SLC4A4: variants seen among roughly 807,000 people sequenced by gnomAD.
The protein encoded by SLC4A4 is electrogenic sodium bicarbonate cotransporter 1.
Under a neutral mutation model 111.5 loss-of-function variants are expected in SLC4A4, and 27 were observed. That is an observed-to-expected ratio of 0.24 (90% CI 0.18 to 0.33). The LOEUF (loss-of-function observed/expected upper bound fraction) is 0.33, where lower values mean the gene tolerates loss of function less well. Among genes scored for constraint, SLC4A4 ranks in the 10% least tolerant of loss-of-function variants. The probability of loss-of-function intolerance (pLI) is 1.00; values close to 1 mark genes in which losing one functional copy is unlikely to be tolerated. For missense variants in SLC4A4, 909 were observed against 1,315.5 expected (o/e 0.69, Z 4.78); for synonymous variants, 443 against 463.4 (o/e 0.96, Z 0.57).
At chr4:71,321,139 C>T (rs948612112) in intron 3 of SLC4A4, among the ~76,000 whole-genome samples, 11 of 151,930 alleles carry the variant, frequency 7.2e-5, no homozygotes, top group Non-Finnish European at 1.5e-4. Flanking sequence ...TATCCTTAGC[C>T]AGCCCACATA....
intron 23 of SLC4A4, among the ~76,000 whole-genome samples, chr4:71,560,848 G>A (rs1736922236): frequency 6.6e-6 from 1 of 151,772 alleles, no homozygotes. Context: ...ATAGTGGTTA[G>A]TGTCATAGTC....
intron 3 of SLC4A4, among the ~76,000 whole-genome samples, chr4:71,305,992 A>G (rs182833085): frequency 6.6e-6 from 1 of 152,370 alleles, no homozygotes; most frequent in Non-Finnish European, 1.5e-5. Flanking sequence ...CATTGAGTGC[A>G]GTGTCCAACA....
chr4:71,503,547 C>G (rs1441877466), intron 16 of SLC4A4, among the ~76,000 whole-genome samples: 1 of 152,058 alleles, frequency 6.6e-6, no homozygotes, highest in Non-Finnish European at 1.5e-5. Flanking sequence ...CTGATAACAA[C>G]TTAACTTTGG....
chr4:71,426,459 A>T (rs1723148302), intron 7 of SLC4A4, among the ~76,000 whole-genome samples: 1 of 152,082 alleles, frequency 6.6e-6, no homozygotes, highest in Non-Finnish European at 1.5e-5. Flanking sequence ...TGCTGCTCAA[A>T]GGTGTGGGGA....
At chr4:71,272,701 G>T (rs921746705) in intron 3 of SLC4A4, among the ~76,000 whole-genome samples, 1 of 152,068 alleles carries the variant, frequency 6.6e-6, no homozygotes, top group African/African-American at 2.4e-5. Flanking sequence ...ACATCATAAC[G>T]CATGAAGGAT....
intron 2 of SLC4A4, among the ~76,000 whole-genome samples, chr4:71,177,713 C>T (rs1366672800): frequency 6.6e-6 from 1 of 152,162 alleles, no homozygotes; most frequent in Non-Finnish European, 1.5e-5. Flanking sequence ...GACTTAGACT[C>T]CCACACAATA....
At chr4:71,437,922 C>G (rs1724315932) in intron 7 of SLC4A4, 1 of 169,050 alleles carries the variant, frequency 5.9e-6, no homozygotes. Flanking sequence ...CAGCTCAGCT[C>G]ATGGTCGTTA....
At chr4:71,242,088 T>C (rs565183612) in intron 2 of SLC4A4, among the ~76,000 whole-genome samples, 72 of 152,344 alleles carry the variant, frequency 4.7e-4, no homozygotes, top group African/African-American at 1.6e-3. Context: ...TTCTGAGAAT[T>C]TGAGAATTTT....
At position 71,121,274 on chromosome 4, in the gene SLC4A4, C is replaced by T. The variant is rs531300789; in HGVS notation, c.-2+28482C>T. On this transcript the variant is annotated intron_variant, in intron 2 of 26. Transcript: ENST00000649996. Reference sequence around the variant, plus strand: ...GCCCGAGACTCCCCAATGGGCACTGCCCCCTGCTCCGTGGCGCCCGGTCTC... The same window carrying T: ...GCCCGAGACTCCCCAATGGGCACTGTCCCCTGCTCCGTGGCGCCCGGTCTC... 1.1e-3 allele frequency among the ~76,000 whole-genome samples: 169 copies of T among 152,102 alleles called. 2 individuals carry two copies. The highest frequency in any genetic ancestry group is 3.9e-3 in the African/African-American group (162 of 41,506).
intron 16 of SLC4A4, among the ~76,000 whole-genome samples, chr4:71,501,781 C>T (rs987780037): frequency 5.3e-5 from 8 of 151,796 alleles, no homozygotes; most frequent in Admixed American, 2.0e-4. Context: ...CCTGCCTCAG[C>T]CTCCCAGGTA....
chr4:71,466,670 C>G lies in SLC4A4; in HGVS notation c.1631+93C>G, dbSNP rs950120782. The stretch of plus-strand genomic sequence containing the variant: ...AGCATAGAATAGTGATTAGGCAGAT[C>G]CAAGAATCACTCAGAATACTGGAAT... On this transcript the variant is annotated intron_variant, in intron 13 of 25. Transcript: ENST00000264485. The G allele has an allele frequency of 1.1e-4, 143 of 1,280,498 alleles. 1 individual carries two copies. The highest frequency in any genetic ancestry group is 4.0e-4 in the South Asian group (33 of 81,988). 79.3% of individuals were successfully genotyped at this position (1,280,498 alleles called of 1,614,324 possible).
intron 18 of SLC4A4, among the ~76,000 whole-genome samples, chr4:71,541,987 A>G (rs1735110861): frequency 6.6e-6 from 1 of 152,126 alleles, no homozygotes; most frequent in South Asian, 2.1e-4. Context: ...CTTTTAACTC[A>G]AAGGGACATC....
rs73828144 is a variant in SLC4A4, at chr4:71,406,715, G to T, written c.807+9062G>T. On this transcript the variant is annotated intron_variant, in intron 7 of 25. Coordinates refer to ENST00000264485, the MANE Select transcript of SLC4A4 (RefSeq NM_001098484.3). ...GTTTTCTACAATCTGAAAGCCAGTG[G>T]TTAATCATGCCAAGATGACATTCCT... 7.6e-3 allele frequency among the ~76,000 whole-genome samples: 1,155 copies of T among 151,590 alleles called. 16 individuals carry two copies. Among genetic ancestry groups the T allele is most frequent in the African/African-American group, 0.025 (1,017 of 41,258 alleles).
chr4:71,353,075 C>T lies in SLC4A4; in HGVS notation c.550+3003C>T, dbSNP rs567866423. Reference sequence around the variant, plus strand: ...GAGAGAGTACCAGATTATACTGGAACGTCTTTAGCGAATGGCCAAAGAGAG... The same window carrying T: ...GAGAGAGTACCAGATTATACTGGAATGTCTTTAGCGAATGGCCAAAGAGAG... On this transcript the variant is annotated intron_variant, in intron 5 of 25. Coordinates refer to ENST00000264485, the MANE Select transcript of SLC4A4 (RefSeq NM_001098484.3). Among the ~76,000 whole-genome samples the T allele has an allele frequency of 3.3e-5, 5 of 152,270 alleles. No individual in the cohort carries two copies. The East Asian group carries it at 5.8e-4, about 18-fold the overall frequency.
At chr4:71,316,309 C>T (rs897553834) in intron 3 of SLC4A4, among the ~76,000 whole-genome samples, 3 of 152,128 alleles carry the variant, frequency 2.0e-5, no homozygotes, top group African/African-American at 7.2e-5. Flanking sequence ...GAAGAAAACC[C>T]TCCCTCTGAA....
Position 71,091,523 on chromosome 4 carries a change from G to T in SLC4A4, c.-64-1207G>T, listed in dbSNP as rs189787988. On this transcript the variant is annotated intron_variant, in intron 1 of 26. Coordinates refer to the SLC4A4 transcript ENST00000649996. ...TTGTCTCGGCCTCCCAAAGTGCTGG[G>T]ATTACAGGCGTGAGCCACTGCACCC... Among the ~76,000 whole-genome samples, 286 of 152,154 alleles carry T rather than the reference G, an allele frequency of 1.9e-3. 2 individuals carry two copies. Among genetic ancestry groups the T allele is most frequent in the Non-Finnish European group, 1.1e-3 (76 of 68,012 alleles).
chr4:71,504,632 G>A (rs939379303), intron 16 of SLC4A4, among the ~76,000 whole-genome samples: 25 of 135,640 alleles, frequency 1.8e-4, no homozygotes, highest in Admixed American at 1.7e-3. Context: ...TTCTTTTTTT[G>A]GACCTCCTAC....
intron 6 of SLC4A4, among the ~76,000 whole-genome samples, chr4:71,360,313 A>G (rs1442274590): frequency 6.6e-6 from 1 of 152,206 alleles, no homozygotes; most frequent in African/African-American, 2.4e-5. Flanking sequence ...AAACCAGCAA[A>G]TGCTATAAAT....
intron 8 of SLC4A4, among the ~76,000 whole-genome samples, chr4:71,445,940 T>C (rs1189327229): frequency 3.3e-5 from 5 of 152,178 alleles, no homozygotes; most frequent in African/African-American, 1.2e-4. Context: ...AGAGCTGAAA[T>C]TCAATTCAAA....
Sources: allele counts gnomAD v4.1 joint callset (sites outside exome capture counted in the v4.1 genomes callset), GRCh38; gene constraint gnomAD v4.1.1; transcripts MANE v1.5; gene names NCBI Gene and HGNC (gene_info 2026-07-23, HGNC 2026-07-21).